Variants in SEC14L5 observed in about 807,000 individuals in gnomAD.
SEC14L5 encodes SEC14-like protein 5.
A neutral mutation model predicts 84.6 loss-of-function variants in SEC14L5; 96 were observed. That is an observed-to-expected ratio of 1.13 (90% CI 0.96 to 1.34). SEC14L5 has a LOEUF of 1.34. Among genes scored for constraint, SEC14L5 ranks in the 40% most tolerant of loss-of-function variants. The pLI, the probability that SEC14L5 is intolerant of heterozygous loss-of-function variation, is 0.00. For missense variants in SEC14L5, 1,224 were observed against 942.5 expected (o/e 1.30, Z -3.91); for synonymous variants, 546 against 383.4 (o/e 1.42, Z -4.95).
intron 4 of SEC14L5, among the ~76,000 whole-genome samples, chr16:4,989,328 T>G (rs1353351682): frequency 1.0e-3 from 4 of 3,884 alleles, no homozygotes; most frequent in African/African-American, 1.8e-3. Flanking sequence ...GTTTGTTTTG[T>G]TTTTTTTTTT....
At chr16:5,012,402 CT>C (rs1210144601) in intron 15 of SEC14L5, among the ~76,000 whole-genome samples, 1 of 152,138 alleles carries the variant, frequency 6.6e-6, no homozygotes, top group Admixed American at 6.5e-5. Flanking sequence ...CTGCCCTGTC[CT>C]CTTGTAGCCT....
rs1039607834 is a variant in SEC14L5 at position 5,000,753 on chromosome 16, G to C, written c.1059+10G>C. ...GGCGCTGCTGCGGCATGTGAGTCAG[G>C]GGCCTCGTTCCTGGACGCCGTGCCT... On this transcript the variant is annotated intron_variant, in intron 9 of 15. Coordinates refer to ENST00000251170, the MANE Select transcript of SEC14L5 (RefSeq NM_014692.2). 6.4e-7 allele frequency: 1 copy of C among 1,553,872 alleles called. No homozygotes were observed. The highest frequency in any genetic ancestry group is 8.7e-7 in the Non-Finnish European group (1 of 1,148,492).
chr16:4,991,305 T>C (rs1245704265), intron 5 of SEC14L5, among the ~76,000 whole-genome samples: 1 of 151,842 alleles, frequency 6.6e-6, no homozygotes, highest in Non-Finnish European at 1.5e-5. Flanking sequence ...CAATGTGTTA[T>C]CAATATAAAA....
intron 8 of SEC14L5, among the ~76,000 whole-genome samples, chr16:5,000,436 C>T (rs1299000731): frequency 6.6e-6 from 1 of 152,220 alleles, no homozygotes; most frequent in Non-Finnish European, 1.5e-5. Context: ...CTGTGCTGGC[C>T]CTTATCCTCA....
intron 2 of SEC14L5, among the ~76,000 whole-genome samples, chr16:4,981,444 C>T (rs989181652): frequency 7.2e-5 from 11 of 152,024 alleles, no homozygotes; most frequent in East Asian, 1.9e-4. Flanking sequence ...TATCCTCCCC[C>T]GAAATCATTT....
Position 5,003,049 on chromosome 16 carries a change from G to T in SEC14L5, c.1131-353G>T, listed in dbSNP as rs546364997. Among the ~76,000 whole-genome samples, 5 of 152,336 alleles carry T rather than the reference G, an allele frequency of 3.3e-5. No individual in the cohort carries two copies. In the East Asian group the frequency reaches 5.8e-4, roughly 18 times the overall value. ...TTGTGATAACCAGCTATAATTGAGG[G>T]CATGTGGTGTGCCCGTCCTTGCAGA... On this transcript the variant is annotated intron_variant, in intron 10 of 15. Transcript: ENST00000251170.
At chr16:4,982,111 C>T (rs1386017120) in intron 2 of SEC14L5, among the ~76,000 whole-genome samples, 1 of 152,168 alleles carries the variant, frequency 6.6e-6, no homozygotes, top group African/African-American at 2.4e-5. Context: ...CAGGAGGCAG[C>T]TCTGTCCTCC....
chr16:4,997,167 C>A (rs1404407609), intron 8 of SEC14L5, 123 bp downstream of exon 8: 2 of 629,594 alleles, frequency 3.2e-6, no homozygotes, highest in Admixed American at 3.9e-5. Flanking sequence ...GGTGCCATCT[C>A]GGCTCACCAT....
intron 10 of SEC14L5, among the ~76,000 whole-genome samples, chr16:5,001,631 C>G (rs2142520167): frequency 6.6e-6 from 1 of 152,258 alleles, no homozygotes; most frequent in South Asian, 2.1e-4. Flanking sequence ...TCCAGGAACC[C>G]AGTGTCCTCT....
intron 2 of SEC14L5, among the ~76,000 whole-genome samples, chr16:4,967,037 T>C (rs1415437625): frequency 6.6e-6 from 1 of 152,190 alleles, no homozygotes; most frequent in Non-Finnish European, 1.5e-5. Flanking sequence ...GAAGAGGAAA[T>C]TGAGGCTCAG....
At chr16:5,008,699 C>T (rs1238509721) in intron 14 of SEC14L5, 51 bp downstream of exon 14, 10 of 1,486,974 alleles carry the variant, frequency 6.7e-6, no homozygotes, top group South Asian at 3.5e-5. Context: ...ACTGAGTGTC[C>T]ACTGCGTGCC....
intron 2 of SEC14L5, among the ~76,000 whole-genome samples, chr16:4,975,202 T>C (rs1955325910): frequency 6.6e-6 from 1 of 152,048 alleles, no homozygotes; most frequent in Non-Finnish European, 1.5e-5. Context: ...AAAGACATTA[T>C]TTTGTCACGC....
intron 2 of SEC14L5, among the ~76,000 whole-genome samples, chr16:4,974,637 G>A (rs1247980954): frequency 6.6e-6 from 1 of 151,924 alleles, no homozygotes; most frequent in Non-Finnish European, 1.5e-5. Context: ...GTCTTTAGTG[G>A]TGATTTCTGA....
intron 10 of SEC14L5, among the ~76,000 whole-genome samples, chr16:5,002,667 A>G (rs1955689815): frequency 1.3e-5 from 2 of 152,274 alleles, no homozygotes; most frequent in South Asian, 2.1e-4. Context: ...TTAAGCGAAC[A>G]AATCTGGGAG....
At position 4,998,003 on chromosome 16, in the gene SEC14L5, C is replaced by CCTTTTT. The variant is rs1555530444; in HGVS notation, c.970+959_970+960insCTTTTT. 3.2e-4 allele frequency among the ~76,000 whole-genome samples: 25 copies of CCTTTTT among 77,896 alleles called. 12 individuals carry two copies. Among genetic ancestry groups the CCTTTTT allele is most frequent in the Admixed American group, 2.7e-4 (2 of 7,312 alleles). The allele number at this position is 77,896 out of a possible 152,430, so 51.1% of individuals were successfully genotyped here. ...AATTACACCTGCACAGACTCTAGTT[C>CCTTTTT]TTTTTTTTTTTTTTTTTTGAGACAG... On this transcript the variant is annotated intron_variant, in intron 8 of 15. Coordinates refer to ENST00000251170, the MANE Select transcript of SEC14L5 (RefSeq NM_014692.2).
intron 2 of SEC14L5, among the ~76,000 whole-genome samples, chr16:4,974,506 C>T (rs772735941): frequency 7.9e-5 from 12 of 151,618 alleles, no homozygotes; most frequent in Non-Finnish European, 1.8e-4. Flanking sequence ...CCTGGCCTGA[C>T]CTGCATACTT....
In SEC14L5 at chr16:5,016,411, T is replaced by A. The variant is rs1955875653; in HGVS notation, c.*1441T>A. 1 of 152,236 alleles carries A rather than the reference T, an allele frequency of 6.6e-6. No individual in the cohort carries two copies. The highest frequency in any genetic ancestry group is 1.9e-4 in the East Asian group (1 of 5,198). 9.4% of individuals were successfully genotyped at this position (152,236 alleles called of 1,614,324 possible). Reference sequence around the variant, plus strand: ...GAGGCATTTCGCATCGAAATCAGGATTTCTGGCTTCCCTTAGGCATTTGGG... The same window carrying A: ...GAGGCATTTCGCATCGAAATCAGGAATTCTGGCTTCCCTTAGGCATTTGGG... On this transcript the variant is annotated 3_prime_UTR_variant, in exon 16 of 16. Transcript: ENST00000251170.
chr16:4,978,428 G>GAAAAA (rs1184180477), intron 2 of SEC14L5, among the ~76,000 whole-genome samples: 3 of 52,194 alleles, frequency 5.7e-5, no homozygotes, highest in African/African-American at 8.9e-5. Flanking sequence ...AAAAAAAAAG[G>GAAAAA]AAAAAAAAGA....
intron 2 of SEC14L5, chr16:4,960,713 A>G (rs1236858591): frequency 6.6e-6 from 1 of 152,196 alleles, no homozygotes; most frequent in East Asian, 1.9e-4. Context: ...ACCAATGGGA[A>G]TCTCCTGGCT....
Sources: allele counts gnomAD v4.1 joint callset (sites outside exome capture counted in the v4.1 genomes callset), GRCh38; gene constraint gnomAD v4.1.1; transcripts MANE v1.5; gene names NCBI Gene and HGNC (gene_info 2026-07-23, HGNC 2026-07-21).